Variants in STAM observed in about 807,000 individuals in gnomAD.
STAM encodes signal transducing adapter molecule 1.
STAM carries 16 observed loss-of-function variants against 63.4 expected under a neutral mutation model. That is an observed-to-expected ratio of 0.25 (90% confidence interval 0.17 to 0.38). The LOEUF (loss-of-function observed/expected upper bound fraction) is 0.38, where lower values mean the gene tolerates loss of function less well. Among genes scored for constraint, STAM ranks in the 10% least tolerant of loss-of-function variants. The pLI is 1.00. For missense variants in STAM, 636 were observed against 657.1 expected (o/e 0.97, Z 0.35); for synonymous variants, 238 against 223.9 (o/e 1.06, Z -0.56).
intron 13 of STAM, among the ~76,000 whole-genome samples, chr10:17,714,278 G>C (rs1164630222): frequency 6.6e-6 from 1 of 151,854 alleles, no homozygotes; most frequent in Non-Finnish European, 1.5e-5. Flanking sequence ...TAGAACAGAC[G>C]CTCCATGGTG....
chr10:17,667,807 GA>G (rs1356229652), intron 2 of STAM, among the ~76,000 whole-genome samples: 2 of 152,230 alleles, frequency 1.3e-5, no homozygotes, highest in Non-Finnish European at 2.9e-5. Context: ...ATCCCAGAAA[GA>G]AGCAATAGTC....
intron 6 of STAM, among the ~76,000 whole-genome samples, chr10:17,694,288 T>C (rs1397727427): frequency 3.3e-5 from 5 of 152,198 alleles, no homozygotes; most frequent in African/African-American, 1.2e-4. Context: ...TGATTTTTAC[T>C]TTGTAATGGC....
chr10:17,684,602 G>A, intron 2 of STAM, 73 bp from the exon 3 acceptor site: 2 of 1,216,072 alleles, frequency 1.6e-6, no homozygotes, highest in South Asian at 1.4e-5. Context: ...GTAGTCTTTT[G>A]TCTATAACAG....
At chr10:17,672,207 T>C (rs994762663) in intron 2 of STAM, among the ~76,000 whole-genome samples, 2 of 152,218 alleles carry the variant, frequency 1.3e-5, no homozygotes, top group Non-Finnish European at 2.9e-5. Context: ...CATTGAGCTA[T>C]AGATCTCTCA....
At chr10:17,704,576 T>G in intron 10 of STAM, 58 bp downstream of exon 10, 1 of 1,389,808 alleles carries the variant, frequency 7.2e-7, no homozygotes, top group Non-Finnish European at 1.0e-6. Context: ...ATAACTGGTG[T>G]CCTGTTAAAG....
Position 17,705,003 on chromosome 10 carries a change from A to G in STAM, c.1034A>G (p.Glu345Gly). The G allele has an allele frequency of 6.2e-7, 1 of 1,613,442 alleles. No individual in the cohort carries two copies. The highest frequency in any genetic ancestry group is 8.5e-7 in the Non-Finnish European group (1 of 1,179,662). Residue 345 changes from glutamate (E) to glycine (G), a missense_variant, in exon 11 of 14, where the codon GAA (glutamate) becomes GGA (glycine). Coordinates refer to ENST00000377524, the MANE Select transcript of STAM (RefSeq NM_003473.4). ...MCHQMGPLID[E>G]KLEDIDRKHS... ...CACCAGATGGGACCTCTCATTGATG[A>G]AAAGCTGGAAGATATTGATAGGTAA...
At chr10:17,657,841 T>TTCTC (rs202232803) in intron 1 of STAM, among the ~76,000 whole-genome samples, 1,546 of 148,250 alleles carry the variant, frequency 0.01, 31 homozygotes, top group African/African-American at 0.037. Context: ...AATTGGTGTT[T>TTCTC]TCTCTCTCTT....
intron 1 of STAM, among the ~76,000 whole-genome samples, chr10:17,660,194 C>A (rs1197735045): frequency 6.6e-6 from 1 of 151,870 alleles, no homozygotes; most frequent in Non-Finnish European, 1.5e-5. Flanking sequence ...TGGTGGTAGA[C>A]CTATATATAA....
chr10:17,686,275 G>A (rs1470722726), intron 4 of STAM, among the ~76,000 whole-genome samples: 1 of 152,012 alleles, frequency 6.6e-6, no homozygotes, highest in Non-Finnish European at 1.5e-5. Flanking sequence ...AATAGTGCAA[G>A]CAGCCATTTC....
chr10:17,703,008 C>CAAAAAAAAA (rs71507229), intron 9 of STAM, among the ~76,000 whole-genome samples: 4 of 67,836 alleles, frequency 5.9e-5, no homozygotes, highest in Admixed American at 1.6e-4. Flanking sequence ...GACTCCATCT[C>CAAAAAAAAA]AAAAAAAAAA....
At chr10:17,696,599 T>G in intron 7 of STAM, 176 bp from the exon 8 acceptor site, 2 of 553,942 alleles carry the variant, frequency 3.6e-6, no homozygotes, top group Non-Finnish European at 6.4e-6. Flanking sequence ...GAATAGCTTC[T>G]TACCTTTTCT....
At chr10:17,658,023 A>T in intron 1 of STAM, among the ~76,000 whole-genome samples, 1 of 151,200 alleles carries the variant, frequency 6.6e-6, no homozygotes. Flanking sequence ...TTTGGATTTA[A>T]TTTGCTCTTC....
intron 1 of STAM, 50 bp downstream of exon 1, chr10:17,644,429 ACT>A: frequency 1.2e-6 from 2 of 1,608,738 alleles, no homozygotes; most frequent in Non-Finnish European, 1.7e-6. Context: ...CTGCACGCTC[ACT>A]CTGCCAGCCC....
intron 4 of STAM, among the ~76,000 whole-genome samples, chr10:17,685,386 C>T (rs1274498318): frequency 2.0e-5 from 3 of 152,128 alleles, no homozygotes; most frequent in African/African-American, 7.2e-5. Flanking sequence ...TGGCTGAACC[C>T]ACAGCTGGAG....
At chr10:17,698,298 G>T (rs782047840) in intron 8 of STAM, among the ~76,000 whole-genome samples, 10 of 152,084 alleles carry the variant, frequency 6.6e-5, no homozygotes, top group Admixed American at 6.5e-5. Flanking sequence ...GGCTGGTAAT[G>T]ATGTTTTGTT....
At chr10:17,664,338 G>T (rs1174886072) in intron 2 of STAM, among the ~76,000 whole-genome samples, 1 of 152,060 alleles carries the variant, frequency 6.6e-6, no homozygotes, top group Non-Finnish European at 1.5e-5. Flanking sequence ...GTAGGATTAA[G>T]TATACTCACA....
intron 4 of STAM, among the ~76,000 whole-genome samples, chr10:17,687,537 T>C (rs183332886): frequency 6.6e-5 from 10 of 152,308 alleles, no homozygotes; most frequent in Middle Eastern, 3.4e-3. Context: ...AAAAAAGTTA[T>C]GTTATTTTGA....
At chr10:17,670,809 C>A (rs2688797) in intron 2 of STAM, among the ~76,000 whole-genome samples, 11,422 of 132,920 alleles carry the variant, frequency 0.086, 635 homozygotes, top group Admixed American at 0.13. Context: ...ATAAGCTTAA[C>A]ATTAAGGGAA....
intron 2 of STAM, among the ~76,000 whole-genome samples, chr10:17,679,030 AT>A (rs1191230561): frequency 6.6e-6 from 1 of 152,226 alleles, no homozygotes. Context: ...GTTGATGGAC[AT>A]TTGGCTGTTG....
Sources: gnomAD v4.1 joint callset for allele counts (sites outside exome capture counted in the v4.1 genomes callset) on GRCh38, gnomAD v4.1.1 for gene constraint, MANE v1.5 for transcripts, NCBI Gene and HGNC (gene_info 2026-07-23, HGNC 2026-07-21) for gene names.